NPC1: variants seen among roughly 807,000 people sequenced by gnomAD.
NPC1 encodes the protein Niemann-Pick C1 protein.
A neutral mutation model predicts 140.4 loss-of-function variants in NPC1; 85 were observed. The ratio of observed to expected loss-of-function variants is 0.61; its 90% CI spans 0.51 to 0.72. The LOEUF is 0.72. NPC1 is among the 30% of genes least tolerant of loss of function. The probability of loss-of-function intolerance (pLI) is 0.00; values close to 1 mark genes in which losing one functional copy is unlikely to be tolerated. For missense variants in NPC1, 1,504 were observed against 1,623.8 expected (o/e 0.93, Z 1.27); for synonymous variants, 656 against 624.8 (o/e 1.05, Z -0.74).
chr18:23,556,458 C>A lies in NPC1; in HGVS notation c.1111G>T (p.Val371Phe), dbSNP rs1257680553. Residue 371 changes from valine (V) to phenylalanine (F), a missense_variant, in exon 8 of 25, where the codon GTC (valine) becomes TTC (phenylalanine). Val to Phe is a conservative substitution (Grantham distance 50). Coordinates refer to ENST00000269228, the MANE Select transcript of NPC1 (RefSeq NM_000271.5). ...ITACSSGLVF[V>F]RVTTNPVDLW... ...TCAACTGGATTGGTTGTGACCCGGA[C>A]AAACACCAGGCCTGACGAACACGCA... The A allele has an allele frequency of 1.2e-6, 2 of 1,614,156 alleles. No individual in the cohort carries two copies. Among genetic ancestry groups the A allele is most frequent in the Non-Finnish European group, 1.7e-6 (2 of 1,180,028 alleles).
chr18:23,544,063 T>A (rs1451047727), intron 13 of NPC1, among the ~76,000 whole-genome samples: 1 of 152,156 alleles, frequency 6.6e-6, no homozygotes, highest in African/African-American at 2.4e-5. Flanking sequence ...CTTGTACACA[T>A]GATACTATTT....
chr18:23,576,485 C>T (rs1023334985), intron 1 of NPC1: 33 of 986,620 alleles, frequency 3.3e-5, no homozygotes, highest in Non-Finnish European at 3.7e-5. Flanking sequence ...ACTTACAAAG[C>T]ACTGGCGGTG....
At chr18:23,570,394 T>C (rs550877125) in intron 3 of NPC1, among the ~76,000 whole-genome samples, 18 of 152,368 alleles carry the variant, frequency 1.2e-4, no homozygotes, top group African/African-American at 4.3e-4. Context: ...GTGTTTTGAC[T>C]GAGTGTACAA....
chr18:23,565,138 A>G (rs2145503641), intron 4 of NPC1, among the ~76,000 whole-genome samples: 1 of 152,310 alleles, frequency 6.6e-6, no homozygotes, highest in African/African-American at 2.4e-5. Flanking sequence ...TTACTATTCT[A>G]AGTCCCTCAA....
At chr18:23,531,134 G>A (rs1236294792), downstream of NPC1, among the ~76,000 whole-genome samples, 1 of 152,070 alleles carries the variant, frequency 6.6e-6, no homozygotes, top group Non-Finnish European at 1.5e-5. Context: ...GGGACTACAG[G>A]TGCGTGCCAC....
At position 23,573,444 on chromosome 18, in the gene NPC1, G is replaced by A. The variant is rs778096289; in HGVS notation, c.180+8C>T. 20 of 1,613,952 alleles carry A rather than the reference G, an allele frequency of 1.2e-5. No homozygotes were observed. In the African/African-American group the frequency reaches 2.3e-4, roughly 18 times the overall value. On this transcript the variant is annotated splice_region_variant and intron_variant, in intron 2 of 24. Transcript: ENST00000269228. ...TTGTGTTCCCAGTGCCTAAGATAAT[G>A]AACTTACCTGCACTAAGTCATATCC... is the stretch of plus-strand genomic sequence containing the variant.
rs1555633200 is a variant in NPC1, at chr18:23,539,518, C to A, written c.2796-48G>T. On this transcript the variant is annotated intron_variant, in intron 18 of 24. Coordinates refer to ENST00000269228, the MANE Select transcript of NPC1 (RefSeq NM_000271.5). ...CTGACCTGCTCCACAGGGAGGAAGTCTTTAGTTTCAGTACTTTTTCTTAAA... is the reference window on the plus strand; with the variant it reads ...CTGACCTGCTCCACAGGGAGGAAGTATTTAGTTTCAGTACTTTTTCTTAAA... 7.6e-6 allele frequency: 10 copies of A among 1,318,664 alleles called. No homozygotes were observed. The Middle Eastern group carries it at 1.3e-3, about 168-fold the overall frequency. 81.7% of individuals were successfully genotyped at this position (1,318,664 alleles called of 1,614,324 possible).
At chr18:23,507,120 G>A (rs766515305) in intron 3 of NPC1, 28 of 1,160,040 alleles carry the variant, frequency 2.4e-5, no homozygotes, top group African/African-American at 9.4e-5. Flanking sequence ...AGAAGGAATC[G>A]CAAATTTTCA....
chr18:23,531,955 TGAG>T lies in NPC1; in HGVS notation c.*244_*246del. Reference sequence around the variant, plus strand: ...GTGTCACCTCCTGCTTGCCAAAGAATGAGGTTTCTTTCCTGAAGAGGCTGGGAG... The same window carrying T: ...GTGTCACCTCCTGCTTGCCAAAGAATGTTTCTTTCCTGAAGAGGCTGGGAG... On this transcript the variant is annotated 3_prime_UTR_variant, in exon 25 of 25. Coordinates refer to ENST00000269228, the MANE Select transcript of NPC1 (RefSeq NM_000271.5). 6.9e-7 allele frequency: 1 copy of T among 1,445,906 alleles called. No homozygotes were observed. The highest frequency in any genetic ancestry group is 9.0e-7 in the Non-Finnish European group (1 of 1,107,178). The allele number at this position is 1,445,906 out of a possible 1,614,324, so 89.6% of individuals were successfully genotyped here.
In NPC1 at chr18:23,544,949, C is replaced by T; in HGVS notation, c.1947+11G>A. 4 of 1,402,082 alleles carry T rather than the reference C, an allele frequency of 2.9e-6. 1 individual carries two copies. Among genetic ancestry groups the T allele is most frequent in the Non-Finnish European group, 3.0e-6 (3 of 1,000,342 alleles). 86.9% of individuals were successfully genotyped at this position (1,402,082 alleles called of 1,614,324 possible). On this transcript the variant is annotated intron_variant, in intron 12 of 24. Transcript: ENST00000269228. ...AACCTCTAGAACATACACCACCCCC[C>T]CCCGGCTTACCAGAAGCCTGCGACA...
At chr18:23,583,932 C>T (rs766747146) in intron 1 of NPC1, among the ~76,000 whole-genome samples, 1 of 152,190 alleles carries the variant, frequency 6.6e-6, no homozygotes, top group Non-Finnish European at 1.5e-5. Context: ...TTCTTAATCA[C>T]TCACAGGTCA....
chr18:23,506,900 T>G, intron 3 of NPC1: 1 of 1,076,616 alleles, frequency 9.3e-7, no homozygotes. Context: ...TTGTGTCTTT[T>G]GCCTTTTCAA....
intron 4 of NPC1, 123 bp downstream of exon 4, chr18:23,568,700 A>G (rs2059160430): frequency 1.3e-6 from 1 of 787,406 alleles, no homozygotes; most frequent in East Asian, 2.6e-5. Context: ...AACAACTCTT[A>G]TTTCCTGGCC....
chr18:23,544,606 A>C, intron 12 of NPC1, 80 bp from the exon 13 acceptor site: 1 of 1,246,642 alleles, frequency 8.0e-7, no homozygotes, highest in Non-Finnish European at 1.2e-6. Context: ...CCTCCTTTTT[A>C]CTTTACAGGG....
intron 6 of NPC1, among the ~76,000 whole-genome samples, chr18:23,557,828 A>G (rs2058977264): frequency 6.6e-6 from 1 of 152,186 alleles, no homozygotes; most frequent in African/African-American, 2.4e-5. Flanking sequence ...TCTACATACC[A>G]TTCTCCAATA....
chr18:23,558,406 T>C (rs2058985891), intron 6 of NPC1, among the ~76,000 whole-genome samples: 1 of 151,734 alleles, frequency 6.6e-6, no homozygotes, highest in African/African-American at 2.4e-5. Flanking sequence ...ACATGACTTC[T>C]GTGATGTACT....
intron 3 of NPC1, among the ~76,000 whole-genome samples, chr18:23,510,475 C>G (rs2057824082): frequency 6.6e-6 from 1 of 152,038 alleles, no homozygotes; most frequent in Non-Finnish European, 1.5e-5. Flanking sequence ...TGACGAAACC[C>G]TGTCTCTATT....
chr18:23,543,297 C>T (rs1344768229), intron 14 of NPC1, among the ~76,000 whole-genome samples, 158 bp downstream of exon 14: 4 of 148,438 alleles, frequency 2.7e-5, no homozygotes, highest in Admixed American at 6.8e-5. Context: ...CCACTGCACT[C>T]CAGCCTGGGT....
At chr18:23,516,046 GT>G in intron 3 of NPC1, 1 of 1,612,002 alleles carries the variant, frequency 6.2e-7, no homozygotes, top group Non-Finnish European at 8.5e-7. Context: ...GTTGTCCCCT[GT>G]TCCTGTAGCA....
Sources: allele counts gnomAD v4.1 joint callset (sites outside exome capture counted in the v4.1 genomes callset), GRCh38; gene constraint gnomAD v4.1.1; transcripts MANE v1.5; gene names NCBI Gene and HGNC (gene_info 2026-07-23, HGNC 2026-07-21).